SGCD: variants seen among roughly 807,000 people sequenced by gnomAD.
The protein encoded by SGCD is sarcoglycan delta, also known as delta-sarcoglycan.
SGCD carries 18 observed loss-of-function variants against 36.6 expected under a neutral mutation model. That is an observed-to-expected ratio of 0.49 (90% CI 0.34 to 0.73). The LOEUF is 0.73. SGCD is among the 30% of genes least tolerant of loss of function. SGCD has a pLI of 0.01. For synonymous variants in SGCD, 133 were observed against 130.6 expected (o/e 1.02, Z -0.12); for missense variants, 387 against 346.7 (o/e 1.12, Z -0.92).
rs145974944 is a variant in SGCD at position 156,393,909 on chromosome 5, G to A, written c.192+49232G>A. 1.6e-3 allele frequency: 721 copies of A among 445,038 alleles called. 6 individuals are homozygous for A. The highest frequency in any genetic ancestry group is 0.012 in the African/African-American group (600 of 49,966). 27.6% of individuals were successfully genotyped at this position (445,038 alleles called of 1,614,324 possible). A position where few individuals can be genotyped will look rare whatever the true frequency, so the allele number is the denominator to read the frequency against. On this transcript the variant is annotated intron_variant, in intron 3 of 8. Coordinates refer to ENST00000337851, the MANE Select transcript of SGCD (RefSeq NM_000337.6). Reference sequence around the variant, plus strand: ...GTATGCCACTTAACAAATGTTGGTCGTTGACACTCACAAGAGATGGGTAAG... The same window carrying A: ...GTATGCCACTTAACAAATGTTGGTCATTGACACTCACAAGAGATGGGTAAG...
chr5:155,736,067 C>T, the SGCD span, among the ~76,000 whole-genome samples: 1 of 152,254 alleles, frequency 6.6e-6, no homozygotes, highest in South Asian at 2.1e-4. Context: ...TGGAGTATGA[C>T]CAAATGGATC....
At chr5:155,850,828 A>T in the SGCD span, among the ~76,000 whole-genome samples, 1 of 152,200 alleles carries the variant, frequency 6.6e-6, no homozygotes, top group African/African-American at 2.4e-5. Context: ...GATGCATGAG[A>T]CATAATTCCT....
intron 3 of SGCD, among the ~76,000 whole-genome samples, chr5:156,211,149 T>C (rs1279801784): frequency 6.6e-6 from 1 of 151,924 alleles, no homozygotes; most frequent in Non-Finnish European, 1.5e-5. Flanking sequence ...TTGGATGATA[T>C]ATTCAAAGTG....
intron 1 of SGCD, among the ~76,000 whole-genome samples, chr5:156,006,814 A>T (rs1206061573): frequency 6.6e-6 from 1 of 152,204 alleles, no homozygotes; most frequent in East Asian, 1.9e-4. Context: ...GAGCAGTCTA[A>T]TCACTCAAAA....
At chr5:155,802,887 G>GA in the SGCD span, among the ~76,000 whole-genome samples, 2 of 152,120 alleles carry the variant, frequency 1.3e-5, no homozygotes, top group African/African-American at 4.8e-5. Flanking sequence ...TTCATCTGAG[G>GA]AATCAGTCTC....
chr5:156,653,494 T>TTTTTTTTTTTTTC (rs1763551402), intron 7 of SGCD, among the ~76,000 whole-genome samples: 1 of 93,154 alleles, frequency 1.1e-5, no homozygotes, highest in African/African-American at 6.2e-5. Flanking sequence ...TAAAGCTTGC[T>TTTTTTTTTTTTTC]TTTTTTTTTT....
chr5:155,777,613 G>A, the SGCD span, among the ~76,000 whole-genome samples: 1 of 152,026 alleles, frequency 6.6e-6, no homozygotes, highest in African/African-American at 2.4e-5. Flanking sequence ...CACTGAGTCT[G>A]CTGAAGTGCT....
At chr5:156,701,660 A>G (rs1453139580) in intron 7 of SGCD, among the ~76,000 whole-genome samples, 4 of 152,216 alleles carry the variant, frequency 2.6e-5, no homozygotes, top group Non-Finnish European at 4.4e-5. Context: ...TCAGTAAAAC[A>G]GAAAGCCTCT....
intron 1 of SGCD, among the ~76,000 whole-genome samples, chr5:155,963,820 T>A (rs1423149690): frequency 6.6e-6 from 1 of 152,120 alleles, no homozygotes; most frequent in Non-Finnish European, 1.5e-5. Flanking sequence ...TTTTATAATT[T>A]ATCTTTTTTT....
At chr5:156,374,909 A>G (rs1446485779) in intron 3 of SGCD, among the ~76,000 whole-genome samples, 1 of 152,142 alleles carries the variant, frequency 6.6e-6, no homozygotes, top group East Asian at 1.9e-4. Flanking sequence ...TTAAATAAAC[A>G]TTTGTGACAT....
At chr5:155,823,782 A>G in the SGCD span, among the ~76,000 whole-genome samples, 1 of 152,192 alleles carries the variant, frequency 6.6e-6, no homozygotes, top group Non-Finnish European at 1.5e-5. Flanking sequence ...TAGACAAAGC[A>G]TTGCCTGGCT....
chr5:156,698,015 T>C (rs1254944131), intron 7 of SGCD, among the ~76,000 whole-genome samples: 6 of 152,350 alleles, frequency 3.9e-5, no homozygotes, highest in African/African-American at 1.4e-4. Flanking sequence ...TAGTGTGTAA[T>C]GAAGGTTTTC....
chr5:156,727,225 C>T (rs78460556), intron 7 of SGCD, among the ~76,000 whole-genome samples: 3 of 152,148 alleles, frequency 2.0e-5, no homozygotes, highest in Non-Finnish European at 2.9e-5. Flanking sequence ...GAGATCCTGA[C>T]TCAACTGACC....
chr5:156,507,446 G>A (rs572484545), intron 3 of SGCD, among the ~76,000 whole-genome samples: 57 of 152,278 alleles, frequency 3.7e-4, no homozygotes, highest in African/African-American at 1.3e-3. Context: ...TTGTGTCCTG[G>A]TCAGAATTCT....
chr5:156,385,130 A>G (rs988510153), intron 3 of SGCD, among the ~76,000 whole-genome samples: 8 of 152,254 alleles, frequency 5.3e-5, no homozygotes, highest in Admixed American at 3.9e-4. Flanking sequence ...TGCAGTGGAA[A>G]GAGCAATAAC....
At chr5:155,924,500 C>T (rs944426882) in intron 1 of SGCD, among the ~76,000 whole-genome samples, 1 of 152,282 alleles carries the variant, frequency 6.6e-6, no homozygotes, top group Admixed American at 6.5e-5. Context: ...GGTCTTCGAT[C>T]TTAAAGAGCA....
intron 3 of SGCD, among the ~76,000 whole-genome samples, chr5:156,344,954 G>A (rs1444121573): frequency 2.0e-5 from 3 of 152,098 alleles, no homozygotes; most frequent in African/African-American, 7.2e-5. Context: ...TGTTTCTGTA[G>A]CCTGTAGCTT....
chr5:156,688,872 G>C (rs1247573890), intron 7 of SGCD, among the ~76,000 whole-genome samples: 2 of 152,232 alleles, frequency 1.3e-5, no homozygotes, highest in Non-Finnish European at 2.9e-5. Flanking sequence ...TTGAGGCTCA[G>C]AGCTTAGCTG....
At chr5:156,386,652 TA>T (rs1412848374) in intron 3 of SGCD, among the ~76,000 whole-genome samples, 1 of 152,254 alleles carries the variant, frequency 6.6e-6, no homozygotes, top group African/African-American at 2.4e-5. Context: ...TTTTCAGAAG[TA>T]CAAAGCCTCA....
Sources: gnomAD v4.1 joint callset for allele counts (sites outside exome capture counted in the v4.1 genomes callset) on GRCh38, gnomAD v4.1.1 for gene constraint, MANE v1.5 for transcripts, NCBI Gene and HGNC (gene_info 2026-07-23, HGNC 2026-07-21) for gene names.